NTM: variants seen among roughly 807,000 people sequenced by gnomAD.
The protein encoded by NTM is IgLON family member 2.
Under a neutral mutation model 42.1 loss-of-function variants are expected in NTM, and 13 were observed. That is an observed-to-expected ratio of 0.31 (90% CI 0.20 to 0.49). NTM has a LOEUF of 0.49. Ranked by LOEUF, NTM falls within the 20% of genes least tolerant of loss-of-function variation. NTM has a pLI of 0.99. For missense variants in NTM, 373 were observed against 452.8 expected (o/e 0.82, Z 1.60); for synonymous variants, 187 against 179.2 (o/e 1.04, Z -0.35).
intron 4 of NTM, among the ~76,000 whole-genome samples, chr11:132,277,435 A>G (rs2093772086): frequency 6.6e-6 from 1 of 152,138 alleles, no homozygotes; most frequent in South Asian, 2.1e-4. Context: ...AAAGAGATGA[A>G]AGGTGGCATT....
chr11:131,417,942 C>T (rs1174560537), intron 1 of NTM, among the ~76,000 whole-genome samples: 1 of 152,168 alleles, frequency 6.6e-6, no homozygotes. Context: ...TTGGCAGTTT[C>T]CTGACAAGTT....
chr11:131,695,982 G>GA (rs906049250), intron 1 of NTM, among the ~76,000 whole-genome samples: 21 of 152,280 alleles, frequency 1.4e-4, no homozygotes, highest in African/African-American at 4.8e-4. Context: ...GAGTGCATGA[G>GA]AAAAACTGGA....
chr11:132,131,094 T>C (rs1328144205), intron 2 of NTM, among the ~76,000 whole-genome samples: 1 of 152,256 alleles, frequency 6.6e-6, no homozygotes, highest in South Asian at 2.1e-4. Context: ...TCATGAAATG[T>C]CTGCTGCATT....
chr11:132,204,695 G>A (rs368286030), intron 3 of NTM, among the ~76,000 whole-genome samples: 27 of 152,194 alleles, frequency 1.8e-4, no homozygotes, highest in Admixed American at 5.9e-4. Flanking sequence ...AGAGGGAGGC[G>A]GCATCCAGAG....
Position 131,875,249 on chromosome 11 carries a change from A to T in NTM, c.83-36315A>T, listed in dbSNP as rs1592451654. 2.0e-5 allele frequency among the ~76,000 whole-genome samples: 3 copies of T among 152,026 alleles called. No individual in the cohort carries two copies. In the South Asian group the frequency reaches 6.2e-4, roughly 32 times the overall value. On this transcript the variant is annotated intron_variant, in intron 1 of 8. Coordinates refer to ENST00000683400, the MANE Select transcript of NTM (RefSeq NM_001352005.2). The stretch of plus-strand genomic sequence containing the variant: ...TTTATACATTGGGCTTCCTGGAAAC[A>T]TTTTACGTAGAGAAAGTTTCCCTAC...
At chr11:131,551,466 A>G (rs755702555) in intron 1 of NTM, among the ~76,000 whole-genome samples, 7 of 151,922 alleles carry the variant, frequency 4.6e-5, no homozygotes, top group African/African-American at 7.3e-5. Flanking sequence ...GGTATCTACT[A>G]TGATCTCCCT....
rs1028592181 is a variant in NTM at position 132,336,561 on chromosome 11, A to G, written c.*1415A>G. Reference sequence around the variant, plus strand: ...CCACTTGCTTTAGCCCATTATGGGAATCTCTGATGCCTTTGTGACCACTGG... The same window carrying G: ...CCACTTGCTTTAGCCCATTATGGGAGTCTCTGATGCCTTTGTGACCACTGG... On this transcript the variant is annotated 3_prime_UTR_variant, in exon 9 of 9. Transcript: ENST00000683400. The G allele has an allele frequency of 1.3e-5, 2 of 152,664 alleles. No homozygotes were observed. The highest frequency in any genetic ancestry group is 2.9e-5 in the Non-Finnish European group (2 of 68,048). The allele number at this position is 152,664 out of a possible 1,614,324, so 9.5% of individuals were successfully genotyped here. A position where few individuals can be genotyped will look rare whatever the true frequency, so the allele number is the denominator to read the frequency against.
At chr11:132,306,895 T>A (rs1386866113) in intron 4 of NTM, among the ~76,000 whole-genome samples, 1 of 152,194 alleles carries the variant, frequency 6.6e-6, no homozygotes, top group African/African-American at 2.4e-5. Context: ...TGAGTGCTCA[T>A]GGCCAGACGT....
chr11:132,214,334 A>G lies in NTM; in HGVS notation c.526+2187A>G, dbSNP rs2083428037. On this transcript the variant is annotated intron_variant, in intron 4 of 8. Transcript: ENST00000683400. ...TGCCTTTGGAGTCTGCAGAACATTT[A>G]TCATCAGGGTAAGCTTCCTGTGCCT... Among the ~76,000 whole-genome samples, 5 of 152,186 alleles carry G rather than the reference A, an allele frequency of 3.3e-5. No individual in the cohort carries two copies. In the South Asian group the frequency reaches 1.0e-3, roughly 32 times the overall value.
rs1327176319 is a variant in NTM at position 132,146,471 on chromosome 11, A to C, written c.357A>C (p.Thr119=). 5.6e-6 allele frequency: 9 copies of C among 1,614,220 alleles called. No homozygotes were observed. Among genetic ancestry groups the C allele is most frequent in the African/African-American group, 1.3e-5 (1 of 75,058 alleles). ...GCCCTTACACCTGCTCGGTGCAGAC[A>C]GACAACCACCCAAAGACCTCTAGGG... ...DEGPYTCSVQ[T]DNHPKTSRVH... The change falls in exon 3 of 9, where the codon ACA becomes ACC. Residue 119 remains threonine (T), a synonymous_variant. Transcript: ENST00000683400. This position sits in a 1 kb window ranked among gnomAD's most constrained non-coding sequence, Gnocchi z 4.5.
At chr11:132,198,513 T>C (rs1311602141) in intron 3 of NTM, among the ~76,000 whole-genome samples, 1 of 152,174 alleles carries the variant, frequency 6.6e-6, no homozygotes, top group Non-Finnish European at 1.5e-5. Flanking sequence ...ATAAATGTAT[T>C]GAATACGACT....
chr11:131,821,988 G>A (rs921801085), intron 1 of NTM, among the ~76,000 whole-genome samples: 3 of 152,146 alleles, frequency 2.0e-5, no homozygotes, highest in Non-Finnish European at 2.9e-5. Flanking sequence ...ATTTTACTTT[G>A]AGAAGGTAGA....
intron 1 of NTM, among the ~76,000 whole-genome samples, chr11:131,637,168 A>G (rs931014917): frequency 3.3e-5 from 5 of 151,964 alleles, no homozygotes; most frequent in African/African-American, 1.2e-4. Context: ...CTTCCCTTCC[A>G]AAAATAAGTC....
intron 1 of NTM, among the ~76,000 whole-genome samples, chr11:131,388,678 A>G (rs1036409078): frequency 2.6e-5 from 4 of 151,980 alleles, no homozygotes; most frequent in Non-Finnish European, 5.9e-5. Context: ...TAAGATCTGT[A>G]TTTGGGGAAA....
chr11:131,842,014 A>G (rs942405519), intron 1 of NTM, among the ~76,000 whole-genome samples: 15 of 152,216 alleles, frequency 9.9e-5, no homozygotes, highest in Admixed American at 8.5e-4. Flanking sequence ...TCCTATTCAA[A>G]TACGACCAGA....
intron 1 of NTM, among the ~76,000 whole-genome samples, chr11:131,386,223 G>A (rs547487293): frequency 1.3e-5 from 2 of 152,274 alleles, no homozygotes; most frequent in African/African-American, 4.8e-5. Context: ...GACACCAAAG[G>A]ACCGATAAGG....
intron 1 of NTM, among the ~76,000 whole-genome samples, chr11:131,626,500 C>A (rs1201947718): frequency 6.6e-6 from 1 of 152,168 alleles, no homozygotes; most frequent in African/African-American, 2.4e-5. Context: ...CAAAGGGTGG[C>A]AGCTTACCTC....
At chr11:131,493,294 ATTATT>A (rs1253588735) in intron 1 of NTM, among the ~76,000 whole-genome samples, 1 of 152,088 alleles carries the variant, frequency 6.6e-6, no homozygotes, top group Non-Finnish European at 1.5e-5. Flanking sequence ...TTAAAAGACA[ATTATT>A]ATAATGTCCA....
chr11:132,101,842 T>A (rs561507082), intron 2 of NTM, among the ~76,000 whole-genome samples: 1 of 152,316 alleles, frequency 6.6e-6, no homozygotes, highest in African/African-American at 2.4e-5. Flanking sequence ...CTTCAAATCT[T>A]CCACACAGAG....
Sources: gnomAD v4.1 joint callset for allele counts (sites outside exome capture counted in the v4.1 genomes callset) on GRCh38, gnomAD v4.1.1 for gene constraint, Gnocchi (gnomAD v3.1) non-coding constraint, MANE v1.5 for transcripts, NCBI Gene and HGNC (gene_info 2026-07-23, HGNC 2026-07-21) for gene names.